GLUD1: variants seen among roughly 807,000 people sequenced by gnomAD.
GLUD1 encodes glutamate dehydrogenase 1, mitochondrial.
In GLUD1, 22 loss-of-function variants were observed where a neutral mutation model predicts 56.0. That is an observed-to-expected ratio of 0.39 (90% CI 0.28 to 0.56). The LOEUF (loss-of-function observed/expected upper bound fraction) is 0.56. Ranked by LOEUF, GLUD1 falls within the 20% of genes least tolerant of loss-of-function variation. The probability of loss-of-function intolerance (pLI) is 0.58; values close to 1 mark genes in which losing one functional copy is unlikely to be tolerated. For missense variants in GLUD1, 451 were observed against 732.0 expected, an observed-to-expected ratio of 0.62 and a Z score of 4.43; for synonymous variants, 223 against 269.9, an observed-to-expected ratio of 0.83 and a Z score of 1.70.
chr10:87,073,199 G>A (rs1564772865), intron 4 of GLUD1, among the ~76,000 whole-genome samples: 1 of 152,128 alleles, frequency 6.6e-6, no homozygotes, highest in Admixed American at 6.5e-5. Context: ...TCAGGCCAGA[G>A]TGTGGCAGGC....
rs181931207 is a variant in GLUD1 at position 87,050,469 on chromosome 10, C to A, written c.*1282G>T. 1 of 151,428 alleles carries A rather than the reference C, an allele frequency of 6.6e-6. No homozygotes were observed. The highest frequency in any genetic ancestry group is 1.5e-5 in the Non-Finnish European group (1 of 67,962). 9.4% of individuals were successfully genotyped at this position (151,428 alleles called of 1,614,324 possible). On this transcript the variant is annotated 3_prime_UTR_variant, in exon 13 of 13. Coordinates refer to ENST00000277865, the MANE Select transcript of GLUD1 (RefSeq NM_005271.5). ...AGAGAAACTACCACATGTAAAAACA[C>A]AGAAAAGAAACGTAAGTTTTGGAAA...
Position 87,094,805 on chromosome 10 carries a change from A to G in GLUD1, c.-36T>C. The G allele has an allele frequency of 6.7e-7, 1 of 1,491,806 alleles. No homozygotes were observed. Among genetic ancestry groups the G allele is most frequent in the Non-Finnish European group, 9.1e-7 (1 of 1,104,234 alleles). 92.4% of individuals were successfully genotyped at this position (1,491,806 alleles called of 1,614,324 possible). On this transcript the variant is annotated 5_prime_UTR_variant, in exon 1 of 13. Coordinates refer to ENST00000277865, the MANE Select transcript of GLUD1 (RefSeq NM_005271.5). This position sits in a 1 kb window ranked among gnomAD's most constrained non-coding sequence, Gnocchi z 6.6. Reference sequence around the variant, plus strand: ...GGAGGGGAGGTGCGTGATGGTCGCGAAACAGGCGCGCTTTCTCAGACTCCC... The same window carrying G: ...GGAGGGGAGGTGCGTGATGGTCGCGGAACAGGCGCGCTTTCTCAGACTCCC...
At chr10:87,062,906 A>C in intron 5 of GLUD1, 71 bp from the exon 6 acceptor site, 1 of 1,380,964 alleles carries the variant, frequency 7.2e-7, no homozygotes, top group South Asian at 1.2e-5. Context: ...ATAATGAATT[A>C]AAGTCAAAGC....
intron 5 of GLUD1, among the ~76,000 whole-genome samples, chr10:87,066,046 G>A (rs1846065825): frequency 1.3e-5 from 2 of 152,072 alleles, no homozygotes; most frequent in African/African-American, 2.4e-5. Context: ...TCATTCCCCT[G>A]GGGGACTTCA....
At chr10:87,087,180 A>G (rs1841403921) in intron 1 of GLUD1, among the ~76,000 whole-genome samples, 1 of 152,218 alleles carries the variant, frequency 6.6e-6, no homozygotes, top group African/African-American at 2.4e-5. Context: ...TTACTTATGT[A>G]AAGGATACAA....
intron 1 of GLUD1, among the ~76,000 whole-genome samples, chr10:87,087,896 C>A (rs1402068748): frequency 6.6e-6 from 1 of 152,114 alleles, no homozygotes; most frequent in Non-Finnish European, 1.5e-5. Flanking sequence ...GCCTGACCAA[C>A]ATGGCAAAAC....
intron 4 of GLUD1, among the ~76,000 whole-genome samples, chr10:87,073,642 G>A (rs1015914305): frequency 3.3e-5 from 4 of 119,436 alleles, no homozygotes; most frequent in South Asian, 2.5e-4. Flanking sequence ...TTTTTGAGAC[G>A]GAGTCTCGCT....
intron 8 of GLUD1, 135 bp downstream of exon 8, chr10:87,060,553 G>A (rs773206660): frequency 8.3e-5 from 91 of 1,092,244 alleles, no homozygotes; most frequent in Non-Finnish European, 1.2e-4. Flanking sequence ...CTTAAATGGG[G>A]GAACTGTATG....
chr10:87,087,175 T>A (rs967676479), intron 1 of GLUD1, among the ~76,000 whole-genome samples: 2 of 152,172 alleles, frequency 1.3e-5, no homozygotes, highest in Admixed American at 6.5e-5. Flanking sequence ...AAACGTTACT[T>A]ATGTAAAGGA....
intron 6 of GLUD1, 77 bp downstream of exon 6, chr10:87,062,579 T>C (rs1845964329): frequency 9.3e-7 from 1 of 1,078,530 alleles, no homozygotes; most frequent in African/African-American, 1.6e-5. Context: ...ATTTTAAAAT[T>C]ACAATTCTAA....
Position 87,079,608 on chromosome 10 carries a change from A to G in GLUD1, c.446-2952T>C, listed in dbSNP as rs185784183. The stretch of plus-strand genomic sequence containing the variant: ...GACCCAGCCTGCACCATCCGCTTGC[A>G]TGGAGGGGTGCTAATGCCACTCTCC... On this transcript the variant is annotated intron_variant, in intron 1 of 12. Coordinates refer to ENST00000277865, the MANE Select transcript of GLUD1 (RefSeq NM_005271.5). Among the ~76,000 whole-genome samples the G allele has an allele frequency of 2.4e-4, 36 of 152,312 alleles. No homozygotes were observed. In the East Asian group the frequency reaches 5.2e-3, roughly 22 times the overall value.
intron 9 of GLUD1, among the ~76,000 whole-genome samples, 180 bp from the exon 10 acceptor site, chr10:87,059,453 C>T (rs942234798): frequency 6.7e-6 from 1 of 149,118 alleles, no homozygotes; most frequent in African/African-American, 2.5e-5. Context: ...CACCCAATTC[C>T]ATCTAAGGCT....
Position 87,060,149 on chromosome 10 carries a change from T to C in GLUD1, c.1278+12A>G. The C allele has an allele frequency of 6.6e-7, 1 of 1,518,046 alleles. No homozygotes were observed. The highest frequency in any genetic ancestry group is 9.2e-7 in the Non-Finnish European group (1 of 1,092,336). 94.0% of individuals were successfully genotyped at this position (1,518,046 alleles called of 1,614,324 possible). A position where few individuals can be genotyped will look rare whatever the true frequency, so the allele number is the denominator to read the frequency against. The stretch of plus-strand genomic sequence containing the variant: ...AAGTACATATAAAGCCTAATAAATA[T>C]AGATGACTTACTGGAATAACCATAA... On this transcript the variant is annotated intron_variant, in intron 9 of 12. Transcript: ENST00000277865.
chr10:87,089,670 C>T, intron 1 of GLUD1: 1 of 982,476 alleles, frequency 1.0e-6, no homozygotes, highest in African/African-American at 1.7e-5. Context: ...TGAGTAGCTC[C>T]TTCTCCTAGT....
intron 1 of GLUD1, among the ~76,000 whole-genome samples, 159 bp from the exon 2 acceptor site, chr10:87,076,815 T>C (rs973870353): frequency 6.6e-6 from 1 of 152,180 alleles, no homozygotes; most frequent in Non-Finnish European, 1.5e-5. Flanking sequence ...TTGAAGCAGC[T>C]TGTACATCAG....
chr10:87,062,924 C>T (rs1845973017), intron 5 of GLUD1, 89 bp from the exon 6 acceptor site: 1 of 1,212,746 alleles, frequency 8.2e-7, no homozygotes, highest in Non-Finnish European at 1.2e-6. Flanking sequence ...AGCACATTCT[C>T]ATTTAATCAA....
chr10:87,080,027 C>G (rs1841170871), intron 1 of GLUD1, among the ~76,000 whole-genome samples: 1 of 151,352 alleles, frequency 6.6e-6, no homozygotes. Context: ...TAGCTCACTG[C>G]AACCTCCCTG....
chr10:87,091,853 AGAT>A (rs915926692), intron 1 of GLUD1, among the ~76,000 whole-genome samples: 3 of 151,584 alleles, frequency 2.0e-5, no homozygotes, highest in South Asian at 4.1e-4. Flanking sequence ...GGAGAGAGGC[AGAT>A]GAGGTTTTTT....
In GLUD1 at chr10:87,062,852, T is replaced by A. The variant is rs1354389459; in HGVS notation, c.742-17A>T. 6.2e-7 allele frequency: 1 copy of A among 1,610,798 alleles called. No homozygotes were observed. Among genetic ancestry groups the A allele is most frequent in the Non-Finnish European group, 8.5e-7 (1 of 1,177,268 alleles). Reference sequence around the variant, plus strand: ...ATTAATATCCTGTAAGAGGGGGTAATTGAAAGAATGAAATGTCAAGTCCAA... The same window carrying A: ...ATTAATATCCTGTAAGAGGGGGTAAATGAAAGAATGAAATGTCAAGTCCAA... On this transcript the variant is annotated splice_polypyrimidine_tract_variant and intron_variant, in intron 5 of 12. Coordinates refer to ENST00000277865, the MANE Select transcript of GLUD1 (RefSeq NM_005271.5).
Sources: allele counts gnomAD v4.1 joint callset (sites outside exome capture counted in the v4.1 genomes callset), GRCh38; gene constraint gnomAD v4.1.1; non-coding constraint Gnocchi (gnomAD v3.1); transcripts MANE v1.5; gene names NCBI Gene and HGNC (gene_info 2026-07-23, HGNC 2026-07-21).